Variants in SPATA17 observed in about 807,000 individuals in gnomAD.
SPATA17 encodes the protein spermatogenesis-associated protein 17.
Under a neutral mutation model 62.2 loss-of-function variants are expected in SPATA17, and 53 were observed. The ratio of observed to expected loss-of-function variants is 0.85; its 90% confidence interval spans 0.68 to 1.07. The LOEUF is 1.07. SPATA17 is among the 50% of genes least tolerant of loss of function. The pLI is 0.00. For missense variants in SPATA17, 466 were observed against 425.5 expected (o/e 1.10, Z -0.84); for synonymous variants, 146 against 146.8 (o/e 0.99, Z 0.04).
intron 10 of SPATA17, 72 bp downstream of exon 10, chr1:217,862,928 T>A: frequency 1.1e-6 from 1 of 931,514 alleles, no homozygotes; most frequent in Non-Finnish European, 1.6e-6. Flanking sequence ...TGGGGTTGAC[T>A]TAACTATCAA....
intron 8 of SPATA17, among the ~76,000 whole-genome samples, chr1:217,786,295 C>T (rs893249293): frequency 5.9e-5 from 9 of 152,068 alleles, no homozygotes; most frequent in Non-Finnish European, 7.4e-5. Flanking sequence ...TTTTAAATGT[C>T]GAGTTTTCTC....
intron 9 of SPATA17, among the ~76,000 whole-genome samples, chr1:217,836,141 C>T (rs1386547945): frequency 6.6e-6 from 1 of 152,146 alleles, no homozygotes; most frequent in Non-Finnish European, 1.5e-5. Flanking sequence ...GAATTAAACT[C>T]TCTTTACTGT....
At chr1:217,705,530 T>C (rs1203416046) in intron 5 of SPATA17, among the ~76,000 whole-genome samples, 2 of 130,868 alleles carry the variant, frequency 1.5e-5, no homozygotes, top group Non-Finnish European at 3.1e-5. Context: ...AACCTGTGCC[T>C]CCCAGGTTCA....
At chr1:217,749,975 C>CTATATATATA (rs1285806657) in intron 6 of SPATA17, among the ~76,000 whole-genome samples, 28 of 39,388 alleles carry the variant, frequency 7.1e-4, no homozygotes, top group African/African-American at 9.1e-4. Context: ...CTCTCTCTCT[C>CTATATATATA]TCTCTCTCTC....
chr1:217,710,981 T>C (rs751873086), intron 5 of SPATA17, among the ~76,000 whole-genome samples: 2 of 152,242 alleles, frequency 1.3e-5, no homozygotes, highest in Non-Finnish European at 2.9e-5. Context: ...TTGTAGTATA[T>C]GTATATCAGT....
chr1:217,841,616 C>A (rs1675404529), intron 9 of SPATA17, among the ~76,000 whole-genome samples: 1 of 151,788 alleles, frequency 6.6e-6, no homozygotes, highest in Non-Finnish European at 1.5e-5. Context: ...ATTCTTCTTC[C>A]TGAAACACTA....
At chr1:217,647,029 ATCT>A (rs924022274) in intron 1 of SPATA17, among the ~76,000 whole-genome samples, 7 of 152,226 alleles carry the variant, frequency 4.6e-5, no homozygotes, top group African/African-American at 1.4e-4. Context: ...CCACAGTGGT[ATCT>A]TCTTCTGTCA....
chr1:217,749,782 CCT>C (rs1390834169), intron 6 of SPATA17, among the ~76,000 whole-genome samples: 16 of 151,322 alleles, frequency 1.1e-4, no homozygotes, highest in Admixed American at 9.2e-4. Flanking sequence ...CCAAAGATTC[CCT>C]GTTATCCATA....
chr1:217,709,675 G>A (rs1446670022), intron 5 of SPATA17, among the ~76,000 whole-genome samples: 1 of 152,204 alleles, frequency 6.6e-6, no homozygotes, highest in African/African-American at 2.4e-5. Context: ...GCAATGGAAT[G>A]AATACCAGAG....
In SPATA17 at chr1:217,697,501, C is replaced by G. The variant is rs571753339; in HGVS notation, c.395+14140C>G. Among the ~76,000 whole-genome samples, 20 of 152,190 alleles carry G rather than the reference C, an allele frequency of 1.3e-4. No homozygotes were observed. In the East Asian group the frequency reaches 2.9e-3, roughly 22 times the overall value. The stretch of plus-strand genomic sequence containing the variant: ...ATTTCCAAATTTATTACATTATGAT[C>G]AGAAAATGGCATCTGTTCTATTTCT... On this transcript the variant is annotated intron_variant, in intron 5 of 10. Transcript: ENST00000366933.
At chr1:217,713,466 G>A (rs1160487781) in intron 5 of SPATA17, among the ~76,000 whole-genome samples, 1 of 152,268 alleles carries the variant, frequency 6.6e-6, no homozygotes, top group Non-Finnish European at 1.5e-5. Flanking sequence ...TAGGGCACCC[G>A]CAAACACCAG....
chr1:217,860,881 C>A (rs1404065358), intron 9 of SPATA17, among the ~76,000 whole-genome samples: 5 of 152,060 alleles, frequency 3.3e-5, no homozygotes, highest in Non-Finnish European at 5.9e-5. Flanking sequence ...ACTTGGTCTT[C>A]ATTTTCTTAT....
At chr1:217,781,062 A>G (rs1443498589) in intron 7 of SPATA17, 2 of 152,168 alleles carry the variant, frequency 1.3e-5, no homozygotes, top group Admixed American at 1.3e-4. Flanking sequence ...TTTCAAATAT[A>G]GCAATCCTCC....
At chr1:217,852,634 A>G (rs1182311329) in intron 9 of SPATA17, among the ~76,000 whole-genome samples, 1 of 152,212 alleles carries the variant, frequency 6.6e-6, no homozygotes, top group Non-Finnish European at 1.5e-5. Context: ...TCTGCATTGC[A>G]AATCCCAAAT....
chr1:217,720,362 A>G lies in SPATA17; in HGVS notation c.396-21613A>G, dbSNP rs1341667396. ...CCAACACTGCAACTTAACTCATGTT[A>G]TTATTGTTTTTCTAAACTTCTTTTA... On this transcript the variant is annotated intron_variant, in intron 5 of 10. Coordinates refer to ENST00000366933, the MANE Select transcript of SPATA17 (RefSeq NM_138796.4). 2.0e-5 allele frequency among the ~76,000 whole-genome samples: 3 copies of G among 152,184 alleles called. 1 individual carries two copies. Among genetic ancestry groups the G allele is most frequent in the Admixed American group, 2.0e-4 (3 of 15,278 alleles).
intron 3 of SPATA17, among the ~76,000 whole-genome samples, chr1:217,667,114 C>T (rs12732643): frequency 0.28 from 37,513 of 133,676 alleles, 5,739 homozygotes; most frequent in Non-Finnish European, 0.36. Flanking sequence ...GTGGCTTGAT[C>T]TTGGCTCACT....
intron 8 of SPATA17, 64 bp downstream of exon 8, chr1:217,782,386 T>G: frequency 4.7e-6 from 7 of 1,482,044 alleles, no homozygotes; most frequent in Non-Finnish European, 6.3e-6. Flanking sequence ...TCTAATTTTT[T>G]TATTTTCTAA....
intron 9 of SPATA17, among the ~76,000 whole-genome samples, chr1:217,861,783 A>T (rs185553546): frequency 5.9e-5 from 9 of 152,314 alleles, no homozygotes; most frequent in African/African-American, 2.2e-4. Context: ...ACTCAAAAGC[A>T]GTGTCTGTCA....
At chr1:217,759,769 C>T (rs1019232545) in intron 6 of SPATA17, among the ~76,000 whole-genome samples, 5 of 151,948 alleles carry the variant, frequency 3.3e-5, no homozygotes, top group African/African-American at 7.3e-5. Context: ...AGTTTGAGAA[C>T]GAGTATACCA....
Sources: gnomAD v4.1 joint callset for allele counts (sites outside exome capture counted in the v4.1 genomes callset) on GRCh38, gnomAD v4.1.1 for gene constraint, MANE v1.5 for transcripts, NCBI Gene and HGNC (gene_info 2026-07-23, HGNC 2026-07-21) for gene names.